NHSL2: variants seen among roughly 807,000 people sequenced by gnomAD.
NHSL2 encodes the protein NHS like 2.
Under a neutral mutation model 53.4 loss-of-function variants are expected in NHSL2, and 27 were observed. The observed-to-expected ratio is 0.51, with a 90% CI of 0.37 to 0.70. NHSL2 has a LOEUF of 0.70. Ranked by LOEUF, NHSL2 falls within the 30% of genes least tolerant of loss-of-function variation. The pLI is 0.00. For synonymous variants in NHSL2, 408 were observed against 404.1 expected, an observed-to-expected ratio of 1.01 and a Z score of -0.12; for missense variants, 892 against 980.1, an observed-to-expected ratio of 0.91 and a Z score of 1.20.
chrX:71,949,261 A>G (rs7065709), intron 1 of NHSL2, among the ~76,000 whole-genome samples: 14 of 110,832 alleles, frequency 1.3e-4, no homozygotes. Flanking sequence ...GAAAAGTAGC[A>G]TAGAGGGGCT....
intron 1 of NHSL2, among the ~76,000 whole-genome samples, chrX:71,943,666 C>T (rs1569465040): frequency 8.9e-6 from 1 of 112,630 alleles, no homozygotes; most frequent in Non-Finnish European, 1.9e-5. Flanking sequence ...GTAGACTCAG[C>T]TTGCTGAGGT....
Position 72,082,475 on chromosome X carries a change from GT to G in NHSL2, c.281-49602del, listed in dbSNP as rs777240594. Among the ~76,000 whole-genome samples, 13 of 112,194 alleles carry G rather than the reference GT, an allele frequency of 1.2e-4. No individual in the cohort carries two copies. The South Asian group carries it at 3.7e-3, about 32-fold the overall frequency. ...CATTGTCTTTGCATTGATTGTATTG[GT>G]TGTGTGATCCTCACAAAAACCCTGT... is the stretch of plus-strand genomic sequence containing the variant. On this transcript the variant is annotated intron_variant, in intron 1 of 7. Coordinates refer to ENST00000633930, the MANE Select transcript of NHSL2 (RefSeq NM_001013627.3).
At chrX:71,932,026 T>G (rs1399977988) in intron 1 of NHSL2, among the ~76,000 whole-genome samples, 3 of 112,562 alleles carry the variant, frequency 2.7e-5, no homozygotes, top group African/African-American at 9.7e-5. Flanking sequence ...TGCCAGACAC[T>G]GTGCCAGGTG....
rs192097213 is a variant in NHSL2, at chrX:71,989,322, C to G, written c.280+77955C>G. Among the ~76,000 whole-genome samples the G allele has an allele frequency of 1.3e-4, 10 of 77,313 alleles. 1 individual carries two copies. The East Asian group carries it at 4.5e-3, about 35-fold the overall frequency. 67.1% of individuals were successfully genotyped at this position (77,313 alleles called of 115,157 possible). ...CGAGATCGCTCCACTGCACTCCAGCCTGGGCGACAGAGCAAGACTCCGTCT... is the reference window on the plus strand; with the variant it reads ...CGAGATCGCTCCACTGCACTCCAGCGTGGGCGACAGAGCAAGACTCCGTCT... On this transcript the variant is annotated intron_variant, in intron 1 of 7. Coordinates refer to ENST00000633930, the MANE Select transcript of NHSL2 (RefSeq NM_001013627.3).
intron 1 of NHSL2, among the ~76,000 whole-genome samples, chrX:72,053,564 G>A (rs2042352718): frequency 9.0e-6 from 1 of 111,680 alleles, no homozygotes; most frequent in African/African-American, 3.3e-5. Flanking sequence ...CTGAGAATGA[G>A]GCTGAAGTTC....
chrX:72,138,358 C>A, intron 5 of NHSL2, 83 bp from the exon 6 acceptor site: 1 of 810,031 alleles, frequency 1.2e-6, no homozygotes, highest in Non-Finnish European at 1.7e-6. Flanking sequence ...TGCTTCTTGG[C>A]AAAAAGTTGG....
At chrX:71,969,025 A>G (rs886944831) in intron 1 of NHSL2, among the ~76,000 whole-genome samples, 7 of 111,451 alleles carry the variant, frequency 6.3e-5, no homozygotes, top group Admixed American at 1.9e-4. Flanking sequence ...TCATTTCCAT[A>G]TGGATTGTAG....
At chrX:71,974,286 A>G (rs931864426) in intron 1 of NHSL2, among the ~76,000 whole-genome samples, 1 of 111,653 alleles carries the variant, frequency 9.0e-6, no homozygotes, top group African/African-American at 3.3e-5. Flanking sequence ...TTAAGCCCAA[A>G]CTCAAGATTT....
intron 1 of NHSL2, among the ~76,000 whole-genome samples, chrX:72,030,640 A>G (rs1438071410): frequency 1.8e-5 from 2 of 111,735 alleles, no homozygotes; most frequent in Non-Finnish European, 3.8e-5. Context: ...AATGTTTGTG[A>G]TCAGTGGCAT....
At chrX:72,129,839 G>T in intron 1 of NHSL2, 2 of 1,190,465 alleles carry the variant, frequency 1.7e-6, no homozygotes, top group Non-Finnish European at 2.3e-6. Flanking sequence ...ACTCAAACTC[G>T]AATTCGGCCA....
At chrX:72,131,074 A>G (rs1409403850) in intron 1 of NHSL2, 1 of 1,210,037 alleles carries the variant, frequency 8.3e-7, no homozygotes, top group South Asian at 1.8e-5. Context: ...GTCTCCTGAA[A>G]AGGGCTCTAT....
intron 1 of NHSL2, among the ~76,000 whole-genome samples, chrX:72,045,142 G>A (rs1174660667): frequency 9.0e-6 from 1 of 111,610 alleles, no homozygotes; most frequent in Non-Finnish European, 1.9e-5. Context: ...ACACATAACA[G>A]CCCAAGTCAG....
At chrX:72,075,929 T>TGTG (rs72298621) in intron 1 of NHSL2, among the ~76,000 whole-genome samples, 1 of 85,370 alleles carries the variant, frequency 1.2e-5, no homozygotes, top group African/African-American at 4.4e-5. Flanking sequence ...TGTGTGTGTG[T>TGTG]TGTGTGTGTA....
At chrX:72,085,956 G>C (rs766760222) in intron 1 of NHSL2, among the ~76,000 whole-genome samples, 5 of 110,650 alleles carry the variant, frequency 4.5e-5, no homozygotes, top group Non-Finnish European at 9.5e-5. Context: ...TTCCCTGTCA[G>C]ATGCCAATGA....
intron 3 of NHSL2, 122 bp downstream of exon 3, chrX:72,134,340 G>A (rs2042336052): frequency 1.1e-6 from 1 of 879,773 alleles, no homozygotes; most frequent in Non-Finnish European, 1.6e-6. Context: ...CTACCCTGAG[G>A]CCCCACTGGG....
chrX:72,055,208 G>T (rs935155175), intron 1 of NHSL2, among the ~76,000 whole-genome samples: 8 of 111,954 alleles, frequency 7.1e-5, no homozygotes, highest in African/African-American at 2.6e-4. Context: ...AAGTCCCTGC[G>T]CATCTAAACA....
At position 71,920,894 on chromosome X, in the gene NHSL2, C is replaced by G. The variant is rs181747695; in HGVS notation, c.280+9527C>G. ...TCTCGGCCCACTGCAACCTCTGCCTCCCAGGTTCAAGTGATTCTCCTGCCT... is the reference window on the plus strand; with the variant it reads ...TCTCGGCCCACTGCAACCTCTGCCTGCCAGGTTCAAGTGATTCTCCTGCCT... On this transcript the variant is annotated intron_variant, in intron 1 of 7. Coordinates refer to ENST00000633930, the MANE Select transcript of NHSL2 (RefSeq NM_001013627.3). Among the ~76,000 whole-genome samples, 507 of 110,082 alleles carry G rather than the reference C, an allele frequency of 4.6e-3. 2 individuals are homozygous for G. Among genetic ancestry groups the G allele is most frequent in the African/African-American group, 0.016 (495 of 30,284 alleles).
At chrX:72,041,665 C>G (rs1461254436) in intron 1 of NHSL2, among the ~76,000 whole-genome samples, 1 of 112,034 alleles carries the variant, frequency 8.9e-6, no homozygotes, top group Non-Finnish European at 1.9e-5. Flanking sequence ...AGTCCAGACC[C>G]TGGGTGATGC....
chrX:71,928,642 G>A (rs2041697924), intron 1 of NHSL2, among the ~76,000 whole-genome samples: 1 of 111,275 alleles, frequency 9.0e-6, no homozygotes, highest in East Asian at 2.8e-4. Flanking sequence ...AGAAGCCTGG[G>A]TGGCCCCTCA....
Sources: allele counts gnomAD v4.1 joint callset (sites outside exome capture counted in the v4.1 genomes callset), GRCh38; gene constraint gnomAD v4.1.1; transcripts MANE v1.5; gene names NCBI Gene and HGNC (gene_info 2026-07-23, HGNC 2026-07-21).